Variants in ZDHHC14 observed in about 807,000 individuals in gnomAD.
ZDHHC14 encodes the protein palmitoyltransferase ZDHHC14.
Under a neutral mutation model 47.7 loss-of-function variants are expected in ZDHHC14, and 16 were observed. The ratio of observed to expected loss-of-function variants is 0.34; its 90% CI spans 0.23 to 0.51. The LOEUF (loss-of-function observed/expected upper bound fraction) is 0.51, where lower values mean the gene tolerates loss of function less well. ZDHHC14 is among the 20% of genes least tolerant of loss of function. ZDHHC14 has a pLI of 0.97. For missense variants in ZDHHC14, 515 were observed against 662.5 expected, an observed-to-expected ratio of 0.78 and a Z score of 2.44; for synonymous variants, 293 against 278.9, an observed-to-expected ratio of 1.05 and a Z score of -0.50.
intron 5 of ZDHHC14, among the ~76,000 whole-genome samples, chr6:157,638,749 T>A (rs1354664455): frequency 6.6e-6 from 1 of 152,214 alleles, no homozygotes; most frequent in Non-Finnish European, 1.5e-5. Flanking sequence ...TCACTAGGAC[T>A]CCTTATGCAG....
chr6:157,638,982 A>G (rs1270147083), intron 5 of ZDHHC14, among the ~76,000 whole-genome samples: 5 of 152,362 alleles, frequency 3.3e-5, no homozygotes, highest in African/African-American at 1.2e-4. Flanking sequence ...GCCCATCTGC[A>G]GGGCCATGCC....
intron 8 of ZDHHC14, among the ~76,000 whole-genome samples, chr6:157,658,423 A>G (rs555004348): frequency 6.6e-6 from 1 of 152,330 alleles, no homozygotes; most frequent in South Asian, 2.1e-4. Context: ...CAGTCCACAC[A>G]TGCCAGAAAG....
chr6:157,606,193 G>A (rs376779702), intron 3 of ZDHHC14, among the ~76,000 whole-genome samples: 3 of 152,214 alleles, frequency 2.0e-5, no homozygotes, highest in African/African-American at 2.4e-5. Context: ...GTCTGGAAGC[G>A]GTGGCTCATG....
chr6:157,654,910 T>C (rs756510277), intron 8 of ZDHHC14, among the ~76,000 whole-genome samples: 18 of 152,208 alleles, frequency 1.2e-4, no homozygotes, highest in Non-Finnish European at 2.5e-4. Flanking sequence ...AATTTTTGTA[T>C]TTTTAGTAGA....
intron 1 of ZDHHC14, among the ~76,000 whole-genome samples, chr6:157,452,690 A>ATTTTTTTTTTT (rs747862336): frequency 1.4e-4 from 10 of 72,962 alleles, no homozygotes; most frequent in Non-Finnish European, 1.9e-4. Context: ...ATACATGGGG[A>ATTTTTTTTTTT]TTTTTTTTTT....
At chr6:157,396,099 A>G (rs776805375) in intron 1 of ZDHHC14, among the ~76,000 whole-genome samples, 7 of 151,536 alleles carry the variant, frequency 4.6e-5, no homozygotes, top group Non-Finnish European at 8.8e-5. Context: ...TAGAAACACA[A>G]CTCTCATAGG....
At chr6:157,538,600 C>G (rs370692651) in intron 1 of ZDHHC14, among the ~76,000 whole-genome samples, 21 of 152,222 alleles carry the variant, frequency 1.4e-4, no homozygotes, top group East Asian at 5.8e-4. Context: ...AGGAGCCAGT[C>G]TCACCCTCCA....
intron 1 of ZDHHC14, among the ~76,000 whole-genome samples, chr6:157,520,758 G>C (rs1054977860): frequency 6.6e-6 from 1 of 152,160 alleles, no homozygotes; most frequent in Non-Finnish European, 1.5e-5. Flanking sequence ...CATGTGTTCT[G>C]AGACATGAAA....
chr6:157,575,648 C>A (rs1001121411), intron 2 of ZDHHC14, among the ~76,000 whole-genome samples: 2 of 152,252 alleles, frequency 1.3e-5, no homozygotes, highest in Non-Finnish European at 2.9e-5. Context: ...CCTACTCTAT[C>A]AGCCTCCAGA....
intron 3 of ZDHHC14, among the ~76,000 whole-genome samples, chr6:157,594,836 A>C (rs1784058075): frequency 6.6e-6 from 1 of 152,182 alleles, no homozygotes; most frequent in African/African-American, 2.4e-5. Context: ...TTTAAGCTGA[A>C]GGAGCACAGC....
At chr6:157,565,519 G>A (rs530815168) in intron 2 of ZDHHC14, among the ~76,000 whole-genome samples, 1 of 152,236 alleles carries the variant, frequency 6.6e-6, no homozygotes, top group South Asian at 2.1e-4. Context: ...GGTCAGTGGA[G>A]TCAAAAGATT....
intron 2 of ZDHHC14, among the ~76,000 whole-genome samples, chr6:157,556,933 G>A (rs1341490556): frequency 2.0e-5 from 3 of 152,210 alleles, no homozygotes; most frequent in Admixed American, 1.3e-4. Flanking sequence ...GCTCGGGTTA[G>A]AGATGAGGCC....
intron 1 of ZDHHC14, among the ~76,000 whole-genome samples, chr6:157,482,680 G>A (rs1293406908): frequency 2.0e-5 from 3 of 151,960 alleles, no homozygotes; most frequent in Non-Finnish European, 4.4e-5. Context: ...CTCTCAGTGT[G>A]AACATTTCGC....
At chr6:157,531,853 T>C (rs983540303) in intron 1 of ZDHHC14, among the ~76,000 whole-genome samples, 8 of 152,264 alleles carry the variant, frequency 5.3e-5, no homozygotes, top group Admixed American at 6.5e-5. Context: ...TTACTGCATC[T>C]TCGTAACGCC....
chr6:157,487,022 A>T (rs1280958401), intron 1 of ZDHHC14, among the ~76,000 whole-genome samples: 1 of 152,242 alleles, frequency 6.6e-6, no homozygotes, highest in South Asian at 2.1e-4. Flanking sequence ...AAACATAGAA[A>T]GATTCAGCAA....
At chr6:157,562,963 T>C (rs1462038891) in intron 2 of ZDHHC14, among the ~76,000 whole-genome samples, 1 of 149,746 alleles carries the variant, frequency 6.7e-6, no homozygotes, top group African/African-American at 2.4e-5. Flanking sequence ...GAGCTGTGCA[T>C]TCCTGACAAG....
chr6:157,535,195 C>T (rs140875552), intron 1 of ZDHHC14, among the ~76,000 whole-genome samples: 1,538 of 152,302 alleles, frequency 0.01, 31 homozygotes, highest in African/African-American at 0.035. Flanking sequence ...GCTCTCTGTT[C>T]ACGCAAGTGC....
chr6:157,580,736 T>TGTGTGTGTG (rs372683275), intron 2 of ZDHHC14, among the ~76,000 whole-genome samples: 21 of 138,188 alleles, frequency 1.5e-4, no homozygotes, highest in East Asian at 2.3e-4. Context: ...GTGTGTGTGT[T>TGTGTGTGTG]TTTTTCTTTG....
At chr6:157,431,689 TG>T (rs1778341254) in intron 1 of ZDHHC14, among the ~76,000 whole-genome samples, 1 of 152,136 alleles carries the variant, frequency 6.6e-6, no homozygotes, top group African/African-American at 2.4e-5. Context: ...AGAAGTTACC[TG>T]GCATTTTTGC....
Sources: gnomAD v4.1 joint callset for allele counts (sites outside exome capture counted in the v4.1 genomes callset) on GRCh38, gnomAD v4.1.1 for gene constraint, MANE v1.5 for transcripts, NCBI Gene and HGNC (gene_info 2026-07-23, HGNC 2026-07-21) for gene names.